TBL1Y: variants seen among roughly 807,000 people sequenced by gnomAD.
TBL1Y encodes F-box-like/WD repeat-containing protein TBL1Y.
Under a neutral mutation model 12.0 loss-of-function variants are expected in TBL1Y, and 15 were observed. The ratio of observed to expected loss-of-function variants is 1.25; its 90% CI spans 0.83 to 1.92. TBL1Y has a LOEUF of 1.92. Ranked by LOEUF, TBL1Y falls within the 40% of genes most tolerant of loss-of-function variation. TBL1Y has a pLI of 0.00. For missense variants in TBL1Y, 148 were observed against 116.7 expected (o/e 1.27, Z -1.24); for synonymous variants, 53 against 42.6 (o/e 1.24, Z -0.95).
intron 7 of TBL1Y, among the ~76,000 whole-genome samples, chrY:7,057,258 T>A: frequency 6.0e-5 from 2 of 33,108 alleles, no homozygotes; most frequent in African/African-American, 2.4e-4. Context: ...TATGAGGAAG[T>A]TAAGTTTAAA....
chrY:7,017,523 G>A (rs2012556829), intron 4 of TBL1Y, among the ~76,000 whole-genome samples: 1 of 33,479 alleles, frequency 3.0e-5, no homozygotes, highest in African/African-American at 1.2e-4. Context: ...GACTGCTTTC[G>A]AGGAATGCCC....
intron 5 of TBL1Y, among the ~76,000 whole-genome samples, chrY:7,024,139 C>T (rs2012601724): frequency 3.0e-5 from 1 of 33,635 alleles, no homozygotes; most frequent in African/African-American, 1.2e-4. Flanking sequence ...TTTCTTTATC[C>T]AGTCTATCAT....
At chrY:7,033,847 A>G (rs2012670219) in intron 6 of TBL1Y, among the ~76,000 whole-genome samples, 1 of 33,517 alleles carries the variant, frequency 3.0e-5, no homozygotes, top group Admixed American at 2.7e-4. Context: ...AATAGGAGCT[A>G]TTTATAACAA....
intron 4 of TBL1Y, among the ~76,000 whole-genome samples, chrY:7,019,201 T>A: frequency 2.9e-5 from 1 of 34,206 alleles, no homozygotes; most frequent in Non-Finnish European, 7.3e-5. Context: ...GGCTGTTTTT[T>A]AATAATGTTT....
Position 7,090,133 on chromosome Y carries a change from C to T in TBL1Y, c.1491C>T (p.Phe497=). The T allele has an allele frequency of 2.5e-6, 1 of 398,316 alleles. No individual in the cohort carries two copies. The highest frequency in any genetic ancestry group is 3.5e-6 in the Non-Finnish European group (1 of 283,371). ...VHSYQGTGGI[F]EVCWNARGDK... ...GCTACCAAGGCACTGGCGGTATCTT[C>T]GAGGTGTGCTGGAACGCCCGAGGAG... Residue 497 remains phenylalanine (F), a synonymous_variant, in exon 18 of 19, where the codon TTC becomes TTT. Coordinates refer to ENST00000383032, the MANE Select transcript of TBL1Y (RefSeq NM_033284.2).
At chrY:6,950,392 C>A (rs2012015911) in intron 2 of TBL1Y, among the ~76,000 whole-genome samples, 1 of 33,575 alleles carries the variant, frequency 3.0e-5, no homozygotes, top group African/African-American at 1.2e-4. Context: ...GCTATATAAT[C>A]TCTGTCCTTG....
At position 6,978,761 on chromosome Y, in the gene TBL1Y, C is replaced by G. The variant is rs957798027; in HGVS notation, c.-235+518C>G. Among the ~76,000 whole-genome samples the G allele has an allele frequency of 2.1e-4, 7 of 32,673 alleles. No homozygotes were observed. In the East Asian group the frequency reaches 5.7e-3, roughly 26 times the overall value. 87.7% of individuals were successfully genotyped at this position (32,673 alleles called of 37,273 possible). On this transcript the variant is annotated intron_variant, in intron 3 of 18. Transcript: ENST00000383032. Reference sequence around the variant, plus strand: ...TGTCTCTAAAGATTAGTTTCTCCCTCTAAAGATTAGTTTTATGACACAAAA... The same window carrying G: ...TGTCTCTAAAGATTAGTTTCTCCCTGTAAAGATTAGTTTTATGACACAAAA...
chrY:7,080,642 G>C, intron 13 of TBL1Y, 90 bp from the exon 14 acceptor site: 1 of 345,444 alleles, frequency 2.9e-6, no homozygotes, highest in Non-Finnish European at 4.1e-6. Context: ...GTAAACTAAA[G>C]AGGCTTCTTG....
intron 17 of TBL1Y, 23 bp from the exon 18 acceptor site, chrY:7,090,066 T>C (rs769109997): frequency 2.7e-6 from 1 of 376,609 alleles, no homozygotes; most frequent in Admixed American, 7.7e-5. Flanking sequence ...CTATAAGTAA[T>C]AGTTAGTTAC....
At chrY:7,089,943 G>T in intron 17 of TBL1Y, 146 bp from the exon 18 acceptor site, 1 of 158,753 alleles carries the variant, frequency 6.3e-6, no homozygotes, top group African/African-American at 8.8e-5. Context: ...ATCCCCCAGA[G>T]CACTTATTAA....
At chrY:7,000,878 A>G (rs2012444871) in intron 4 of TBL1Y, among the ~76,000 whole-genome samples, 1 of 33,644 alleles carries the variant, frequency 3.0e-5, no homozygotes, top group African/African-American at 1.2e-4. Context: ...TAGATTACAG[A>G]CATGAGCCGT....
chrY:6,967,015 G>A (rs113665888), intron 2 of TBL1Y, among the ~76,000 whole-genome samples: 79 of 33,458 alleles, frequency 2.4e-3, no homozygotes, highest in African/African-American at 8.4e-3. Context: ...TTTCTGTGGG[G>A]TTCCCTTTTT....
intron 2 of TBL1Y, among the ~76,000 whole-genome samples, chrY:6,958,899 G>A: frequency 8.9e-5 from 3 of 33,768 alleles, no homozygotes; most frequent in Admixed American, 2.7e-4. Flanking sequence ...CCAGGGGCAG[G>A]CAGCAGACAG....
chrY:7,008,896 G>A, intron 4 of TBL1Y, among the ~76,000 whole-genome samples: 1 of 34,129 alleles, frequency 2.9e-5, no homozygotes, highest in African/African-American at 1.1e-4. Context: ...TCAAGGAAAT[G>A]TCTGAAGTGT....
intron 4 of TBL1Y, among the ~76,000 whole-genome samples, chrY:7,004,231 A>G (rs2012471301): frequency 2.9e-5 from 1 of 33,987 alleles, no homozygotes; most frequent in Non-Finnish European, 7.3e-5. Context: ...TTTGTAAGAA[A>G]TGCCTTGACT....
At chrY:7,076,328 C>T in intron 13 of TBL1Y, among the ~76,000 whole-genome samples, 2 of 33,023 alleles carry the variant, frequency 6.1e-5, no homozygotes, top group African/African-American at 1.2e-4. Context: ...GGATTTTCTC[C>T]CCGCTGGCCC....
At position 7,041,476 on chromosome Y, in the gene TBL1Y, A is replaced by C. The variant is rs755358737; in HGVS notation, c.59-1504A>C. On this transcript the variant is annotated intron_variant, in intron 6 of 18. Transcript: ENST00000383032. ...TCAATGATAAAAGCTTGCAGGTGAAACATGGTATAGCATGGCGGGGAGTAG... is the reference window on the plus strand; with the variant it reads ...TCAATGATAAAAGCTTGCAGGTGAACCATGGTATAGCATGGCGGGGAGTAG... 8.9e-5 allele frequency among the ~76,000 whole-genome samples: 3 copies of C among 33,843 alleles called. No homozygotes were observed. The South Asian group carries it at 2.0e-3, about 23-fold the overall frequency. The allele number at this position is 33,843 out of a possible 37,273, so 90.8% of individuals were successfully genotyped here.
chrY:6,914,213 A>T (rs2011717911), intron 2 of TBL1Y, among the ~76,000 whole-genome samples: 2 of 32,283 alleles, frequency 6.2e-5, no homozygotes, highest in Admixed American at 2.9e-4. Flanking sequence ...CATCTCTACT[A>T]AAAACATTTA....
intron 4 of TBL1Y, among the ~76,000 whole-genome samples, chrY:7,010,469 C>T: frequency 5.9e-5 from 2 of 34,121 alleles, no homozygotes; most frequent in African/African-American, 2.3e-4. Flanking sequence ...TGTTCACTTA[C>T]ACTCTTAAGA....
Sources: gnomAD v4.1 joint callset for allele counts (sites outside exome capture counted in the v4.1 genomes callset) on GRCh38, gnomAD v4.1.1 for gene constraint, MANE v1.5 for transcripts, NCBI Gene and HGNC (gene_info 2026-07-23, HGNC 2026-07-21) for gene names.